Variants in AMBP observed in about 807,000 individuals in gnomAD.
AMBP encodes the protein protein AMBP.
A neutral mutation model predicts 46.3 loss-of-function variants in AMBP; 37 were observed. That is an observed-to-expected ratio of 0.80 (90% CI 0.61 to 1.05). The LOEUF (loss-of-function observed/expected upper bound fraction) is 1.05. Ranked by LOEUF, AMBP falls within the 50% of genes least tolerant of loss-of-function variation. The pLI is 0.00. For missense variants in AMBP, 475 were observed against 461.2 expected, an observed-to-expected ratio of 1.03 and a Z score of -0.27; for synonymous variants, 174 against 175.9, an observed-to-expected ratio of 0.99 and a Z score of 0.09.
At position 114,062,676 on chromosome 9, in the gene AMBP, C is replaced by G. The variant is rs112159657; in HGVS notation, c.685+1G>C. Reference sequence around the variant, plus strand: ...GGGGTGAAAAGGCAGGTGTTCATTACCTTCTTTCTTGGTGACTTCAGTTAC... The same window carrying G: ...GGGGTGAAAAGGCAGGTGTTCATTAGCTTCTTTCTTGGTGACTTCAGTTAC... On this transcript the variant is annotated splice_donor_variant, in intron 7 of 9. Coordinates refer to ENST00000265132, the MANE Select transcript of AMBP (RefSeq NM_001633.4). LOFTEE classifies it high-confidence loss of function. 1 of 1,613,598 alleles carries G rather than the reference C, an allele frequency of 6.2e-7. No individual in the cohort carries two copies. Among genetic ancestry groups the G allele is most frequent in the Admixed American group, 1.7e-5 (1 of 60,016 alleles).
rs778564660 is a variant in AMBP, at chr9:114,078,192, G to GC, written c.17_18insG (p.Leu7ProfsTer86). 6.2e-7 allele frequency: 1 copy of GC among 1,612,722 alleles called. No individual in the cohort carries two copies. Among genetic ancestry groups the GC allele is most frequent in the Non-Finnish European group, 8.5e-7 (1 of 1,179,976 alleles). On this transcript the variant is annotated frameshift_variant, in exon 1 of 10. Coordinates refer to ENST00000265132, the MANE Select transcript of AMBP (RefSeq NM_001633.4). LOFTEE classifies it high-confidence loss of function. ...GGCAGGCGCTCAGCAGCAAGAGCAG[G>GC]GCCCCGAGGCTCCTCATGGCTATGG...
chr9:114,065,644 C>A (rs766604484), intron 6 of AMBP, among the ~76,000 whole-genome samples: 1 of 151,944 alleles, frequency 6.6e-6, no homozygotes, highest in African/African-American at 2.4e-5. Context: ...CACCCCCACC[C>A]CCACCCTCAC....
At chr9:114,068,824 A>C (rs1215672935) in intron 6 of AMBP, among the ~76,000 whole-genome samples, 1 of 151,218 alleles carries the variant, frequency 6.6e-6, no homozygotes, top group Non-Finnish European at 1.5e-5. Flanking sequence ...AAAAAAAAAA[A>C]AAAAAAAACC....
Position 114,060,993 on chromosome 9 carries a change from C to T in AMBP, c.959G>A (p.Cys320Tyr), listed in dbSNP as rs1219663569. Residue 320 changes from cysteine to tyrosine, a missense_variant, in exon 9 of 10, where the codon TGC (cysteine) becomes TAC (tyrosine). Physicochemically the swap from Cys to Tyr is radical, Grantham distance 194. Transcript: ENST00000265132. ...GTAGAACTTGTTCCCGTTGCCCTGGCAGCCCCCGTAGGGGAAGAGGACGCA... is the reference window on the plus strand; with the variant it reads ...GTAGAACTTGTTCCCGTTGCCCTGGTAGCCCCCGTAGGGGAAGAGGACGCA... ...GKCVLFPYGG[C>Y]QGNGNKFYSE... 3.1e-6 allele frequency: 5 copies of T among 1,614,260 alleles called. No homozygotes were observed. Among genetic ancestry groups the T allele is most frequent in the Middle Eastern group, 1.6e-4 (1 of 6,062 alleles).
chr9:114,063,931 A>AT (rs961551252), intron 6 of AMBP, among the ~76,000 whole-genome samples: 64 of 152,344 alleles, frequency 4.2e-4, no homozygotes, highest in Admixed American at 3.7e-3. Context: ...TGAGTTAAAG[A>AT]AAGATTTGAG....
intron 6 of AMBP, among the ~76,000 whole-genome samples, chr9:114,067,742 A>G (rs1253534835): frequency 6.6e-6 from 1 of 152,152 alleles, no homozygotes; most frequent in Admixed American, 6.5e-5. Flanking sequence ...GGAGTAACAT[A>G]TACAAAGTTC....
chr9:114,061,186 C>T (rs1484276562), intron 8 of AMBP, 88 bp from the exon 9 acceptor site: 9 of 1,509,226 alleles, frequency 6.0e-6, no homozygotes, highest in Non-Finnish European at 8.1e-6. Flanking sequence ...GAGGGCCCTG[C>T]TCATCTAGAA....
intron 6 of AMBP, among the ~76,000 whole-genome samples, chr9:114,064,562 C>A (rs10817563): frequency 0.23 from 34,499 of 151,774 alleles, 4,161 homozygotes; most frequent in East Asian, 0.39. Flanking sequence ...TGGTTTTATT[C>A]TTGACATTGA....
At chr9:114,062,921 C>A (rs1357629386) in intron 6 of AMBP, among the ~76,000 whole-genome samples, 163 bp from the exon 7 acceptor site, 1 of 152,134 alleles carries the variant, frequency 6.6e-6, no homozygotes, top group African/African-American at 2.4e-5. Flanking sequence ...AAAGTGTCAA[C>A]CTGAATTCCT....
intron 6 of AMBP, among the ~76,000 whole-genome samples, chr9:114,065,323 C>A (rs1305524817): frequency 1.3e-5 from 2 of 152,100 alleles, no homozygotes; most frequent in African/African-American, 4.8e-5. Flanking sequence ...GTGATTCGCA[C>A]ACATAGAGAA....
chr9:114,074,990 T>C lies in AMBP; in HGVS notation c.307A>G (p.Thr103Ala). The change falls in exon 3 of 10, where the codon ACT (threonine) becomes GCT (alanine). Residue 103 changes from threonine (T) to alanine (A), a missense_variant. By Grantham distance (58) the Thr-to-Ala change is moderately conservative. Transcript: ENST00000265132. ...TTGTGATAGAGAAACTTCCCATCAG[T>C]ATCTGTTTTCTCATAAGCTCCAGAC... ...ETSGAYEKTD[T>A]DGKFLYHKSK... The C allele has an allele frequency of 1.9e-6, 3 of 1,614,104 alleles. No individual in the cohort carries two copies. Among genetic ancestry groups the C allele is most frequent in the Non-Finnish European group, 1.7e-6 (2 of 1,180,006 alleles).
chr9:114,064,752 AC>A (rs943748998), intron 6 of AMBP, among the ~76,000 whole-genome samples: 11 of 152,310 alleles, frequency 7.2e-5, no homozygotes, highest in African/African-American at 2.6e-4. Flanking sequence ...AAAGCCAAAA[AC>A]TTTAAAACTG....
intron 8 of AMBP, 33 bp downstream of exon 8, chr9:114,061,391 G>A (rs377319946): frequency 2.4e-5 from 38 of 1,613,364 alleles, no homozygotes; most frequent in Admixed American, 5.0e-5. Flanking sequence ...TCTTGAGGGT[G>A]CAGAGCGCAC....
At chr9:114,077,760 AGG>A (rs1846829447) in intron 1 of AMBP, among the ~76,000 whole-genome samples, 1 of 152,154 alleles carries the variant, frequency 6.6e-6, no homozygotes, top group South Asian at 2.1e-4. Flanking sequence ...AAGGGCTGGG[AGG>A]TCTGGGCAAA....
chr9:114,072,481 G>A (rs569698506), intron 5 of AMBP, among the ~76,000 whole-genome samples: 18 of 152,306 alleles, frequency 1.2e-4, no homozygotes, highest in African/African-American at 4.1e-4. Flanking sequence ...AGTAGCATGA[G>A]CCAAGCACGG....
Position 114,061,432 on chromosome 9 carries a change from C to G in AMBP, c.845G>C (p.Arg282Pro), listed in dbSNP as rs768762324. The change falls in exon 8 of 10, where the codon CGA becomes CCA. Residue 282 changes from arginine (R) to proline (P), a missense_variant. Arg to Pro is a moderately radical substitution (Grantham distance 103). Around this residue, in one of 3 missense-constraint regions of AMBP, gnomAD observed 293 missense variants for 276.9 expected, o/e 1.06. Coordinates refer to ENST00000265132, the MANE Select transcript of AMBP (RefSeq NM_001633.4). ...TGGGGACCCGCACTCACCCACAGTT[C>G]GGCAGGTCTGCAGACACTCCTTTTC... is the stretch of plus-strand genomic sequence containing the variant. ...VTEKECLQTC[R>P]TVAACNLPIV... 1.6e-5 allele frequency: 26 copies of G among 1,614,120 alleles called. No individual in the cohort carries two copies. The highest frequency in any genetic ancestry group is 2.2e-5 in the Non-Finnish European group (26 of 1,180,024).
Position 114,076,719 on chromosome 9 carries a change from G to C in AMBP, c.139C>G (p.Leu47Val), listed in dbSNP as rs756448972. The change falls in exon 2 of 10, where the codon CTG becomes GTG. Residue 47 changes from leucine (L) to valine (V), a missense_variant. By Grantham distance (32) the Leu-to-Val change is conservative. Transcript: ENST00000265132. ...ISRIYGKWYN[L>V]AIGSTCPWLK... Reference sequence around the variant, plus strand: ...CAGGGGCAGGTGGAACCGATGGCCAGGTTGTACCACTTCCCATAGATCTAG... The same window carrying C: ...CAGGGGCAGGTGGAACCGATGGCCACGTTGTACCACTTCCCATAGATCTAG... The C allele has an allele frequency of 8.1e-6, 13 of 1,613,948 alleles. No individual in the cohort carries two copies. Among genetic ancestry groups the C allele is most frequent in the Non-Finnish European group, 1.1e-5 (13 of 1,179,988 alleles).
Position 114,068,301 on chromosome 9 carries a change from CA to C in AMBP, c.603+1397del, listed in dbSNP as rs200569648. The stretch of plus-strand genomic sequence containing the variant: ...AGAAGTCCACTTCAGTTTCTTTAAA[CA>C]AAAAAAAAATCAAAAGTCCAGGCAC... On this transcript the variant is annotated intron_variant, in intron 6 of 9. Coordinates refer to ENST00000265132, the MANE Select transcript of AMBP (RefSeq NM_001633.4). Among the ~76,000 whole-genome samples the C allele has an allele frequency of 1.5e-3, 218 of 148,606 alleles. 1 individual carries two copies. The highest frequency in any genetic ancestry group is 4.9e-3 in the African/African-American group (201 of 40,608).
At chr9:114,064,662 C>CAAA (rs5900068) in intron 6 of AMBP, among the ~76,000 whole-genome samples, 4 of 146,858 alleles carry the variant, frequency 2.7e-5, no homozygotes, top group Non-Finnish European at 4.5e-5. Flanking sequence ...TAACATTTAG[C>CAAA]AAAAAAAAAA....
Sources: gnomAD v4.1 joint callset for allele counts (sites outside exome capture counted in the v4.1 genomes callset) on GRCh38, gnomAD v4.1.1 for gene constraint, gnomAD v4.1.1 regional missense constraint, MANE v1.5 for transcripts, NCBI Gene and HGNC (gene_info 2026-07-23, HGNC 2026-07-21) for gene names.